Variants in DCDC2 observed in about 807,000 individuals in gnomAD.
DCDC2 encodes doublecortin domain-containing protein 2.
In DCDC2, 40 loss-of-function variants were observed where a neutral mutation model predicts 50.2. The ratio of observed to expected loss-of-function variants is 0.80; its 90% CI spans 0.62 to 1.04. The LOEUF is 1.04. DCDC2 is among the 50% of genes least tolerant of loss of function. DCDC2 has a pLI of 0.00. For synonymous variants in DCDC2, 234 were observed against 210.6 expected (o/e 1.11, Z -0.96); for missense variants, 570 against 581.9 (o/e 0.98, Z 0.21).
At position 24,236,081 on chromosome 6, in the gene DCDC2, G is replaced by GA. The variant is rs1207433001; in HGVS notation, c.923-30980dup. On this transcript the variant is annotated intron_variant, in intron 7 of 9. Transcript: ENST00000378454. Reference sequence around the variant, plus strand: ...CTGACATCATTTTTCATAGAATTAGGAAAAAAAAAATTCTAAAATTCATAT... The same window carrying GA: ...CTGACATCATTTTTCATAGAATTAGGAAAAAAAAAAATTCTAAAATTCATAT... Among the ~76,000 whole-genome samples, 912 of 149,410 alleles carry GA rather than the reference G, an allele frequency of 6.1e-3. 12 individuals are homozygous for GA. The highest frequency in any genetic ancestry group is 0.02 in the African/African-American group (836 of 40,804).
chr6:24,289,351 G>T (rs533350924), intron 5 of DCDC2, among the ~76,000 whole-genome samples: 2 of 152,334 alleles, frequency 1.3e-5, no homozygotes, highest in South Asian at 4.1e-4. Context: ...CATTCAGGTA[G>T]TTTTTAAACA....
chr6:24,297,076 T>C (rs1486746549), intron 4 of DCDC2, among the ~76,000 whole-genome samples: 1 of 152,158 alleles, frequency 6.6e-6, no homozygotes, highest in South Asian at 2.1e-4. Flanking sequence ...TGTCCATCAG[T>C]GGTAGACTGG....
At chr6:24,266,398 A>C (rs1307582242) in intron 7 of DCDC2, among the ~76,000 whole-genome samples, 1 of 152,178 alleles carries the variant, frequency 6.6e-6, no homozygotes, top group African/African-American at 2.4e-5. Flanking sequence ...GAATAGAAGA[A>C]AATATTTGCA....
At chr6:24,272,136 C>T (rs535159674) in intron 7 of DCDC2, among the ~76,000 whole-genome samples, 4 of 151,976 alleles carry the variant, frequency 2.6e-5, no homozygotes, top group South Asian at 4.1e-4. Context: ...TTGAGCCATA[C>T]GTCTTACTAG....
intron 8 of DCDC2, among the ~76,000 whole-genome samples, chr6:24,190,466 C>T (rs758909254): frequency 1.3e-5 from 2 of 152,084 alleles, no homozygotes; most frequent in Admixed American, 1.3e-4. Flanking sequence ...CAACATGGCA[C>T]ATGTATACGT....
At chr6:24,358,322 T>C (rs1760522426), upstream of DCDC2, 1 of 174,954 alleles carries the variant, frequency 5.7e-6, no homozygotes, top group East Asian at 1.8e-4. Flanking sequence ...GGAAGATAAA[T>C]GTGCAAAGCC....
At chr6:24,242,700 G>A (rs903413133) in intron 7 of DCDC2, among the ~76,000 whole-genome samples, 13 of 152,188 alleles carry the variant, frequency 8.5e-5, no homozygotes, top group African/African-American at 2.9e-4. Context: ...GGTGGCTCAC[G>A]CCTGTAATTC....
At chr6:24,264,054 A>C (rs1039986322) in intron 7 of DCDC2, among the ~76,000 whole-genome samples, 1 of 152,234 alleles carries the variant, frequency 6.6e-6, no homozygotes, top group Non-Finnish European at 1.5e-5. Context: ...TCTCATTGCC[A>C]ACCTGACAGA....
At chr6:24,348,992 A>C (rs1230844131) in intron 2 of DCDC2, among the ~76,000 whole-genome samples, 1 of 152,228 alleles carries the variant, frequency 6.6e-6, no homozygotes, top group African/African-American at 2.4e-5. Context: ...CTTACACAGT[A>C]AAACAGATTT....
rs560188439 is a variant in DCDC2 at position 24,257,447 on chromosome 6, TA to T, written c.922+20601del. ...AGGGCATGAAAACAACCTGTTCAAT[TA>T]CAACACCTGCTGTTGTAATACACCT... On this transcript the variant is annotated intron_variant, in intron 7 of 9. Coordinates refer to ENST00000378454, the MANE Select transcript of DCDC2 (RefSeq NM_016356.5). Among the ~76,000 whole-genome samples the T allele has an allele frequency of 3.4e-3, 522 of 152,220 alleles. 1 individual carries two copies. Among genetic ancestry groups the T allele is most frequent in the African/African-American group, 0.012 (501 of 41,540 alleles).
the DCDC2 span, among the ~76,000 whole-genome samples, chr6:24,369,565 G>A: frequency 1.3e-4 from 20 of 151,506 alleles, no homozygotes; most frequent in African/African-American, 4.6e-4. Context: ...AGCCGAGATC[G>A]CGCCGCTGCA....
In DCDC2 at chr6:24,173,638, A is replaced by C. The variant is rs1430385687; in HGVS notation, c.*1092T>G. The C allele has an allele frequency of 6.6e-6, 1 of 152,198 alleles. No homozygotes were observed. Among genetic ancestry groups the C allele is most frequent in the Non-Finnish European group, 1.5e-5 (1 of 68,028 alleles). The allele number at this position is 152,198 out of a possible 1,614,324, so 9.4% of individuals were successfully genotyped here. On this transcript the variant is annotated 3_prime_UTR_variant, in exon 10 of 10. Coordinates refer to ENST00000378454, the MANE Select transcript of DCDC2 (RefSeq NM_016356.5). ...TTGGTTTCATTATAATAACTTCTAA[A>C]GTTTTACAATTTCTATCAGATGCCT...
chr6:24,191,631 C>T (rs1228353053), intron 8 of DCDC2, among the ~76,000 whole-genome samples: 2 of 152,170 alleles, frequency 1.3e-5, no homozygotes, highest in African/African-American at 4.8e-5. Flanking sequence ...AATCTGCCCA[C>T]AGGCTACCAT....
At position 24,290,496 on chromosome 6, in the gene DCDC2, T is replaced by A. The variant is rs950695695; in HGVS notation, c.704+436A>T. Among the ~76,000 whole-genome samples, 20 of 152,318 alleles carry A rather than the reference T, an allele frequency of 1.3e-4. No homozygotes were observed. The South Asian group carries it at 2.7e-3, about 20-fold the overall frequency. On this transcript the variant is annotated intron_variant, in intron 5 of 9. Coordinates refer to ENST00000378454, the MANE Select transcript of DCDC2 (RefSeq NM_016356.5). ...ATTATGTTGTTTTTATATTTTACAG[T>A]TATTATTAAAACAAGTATAAAATAT...
chr6:24,179,001 T>G (rs1341411679), intron 8 of DCDC2, among the ~76,000 whole-genome samples: 1 of 152,068 alleles, frequency 6.6e-6, no homozygotes, highest in East Asian at 1.9e-4. Context: ...CGCAAGGTCC[T>G]TGGCCACTGT....
chr6:24,317,892 A>G (rs938624259), intron 2 of DCDC2, among the ~76,000 whole-genome samples: 2 of 152,022 alleles, frequency 1.3e-5, no homozygotes, highest in African/African-American at 2.4e-5. Context: ...ATCTTTACAC[A>G]TATAAAAAAT....
chr6:24,235,955 G>A (rs940917671), intron 7 of DCDC2, among the ~76,000 whole-genome samples: 1 of 152,106 alleles, frequency 6.6e-6, no homozygotes, highest in African/African-American at 2.4e-5. Flanking sequence ...AATCATAGAT[G>A]ACACAAATGG....
At chr6:24,282,975 AT>A (rs543357114) in intron 6 of DCDC2, among the ~76,000 whole-genome samples, 24 of 151,684 alleles carry the variant, frequency 1.6e-4, no homozygotes, top group Admixed American at 1.4e-3. Flanking sequence ...TAATAACGAA[AT>A]TTTTTTGTCA....
At chr6:24,377,009 C>T in the DCDC2 span, among the ~76,000 whole-genome samples, 1 of 152,088 alleles carries the variant, frequency 6.6e-6, no homozygotes, top group African/African-American at 2.4e-5. Flanking sequence ...AGAGATTCAC[C>T]AATGCCCCAG....
Sources: gnomAD v4.1 joint callset for allele counts (sites outside exome capture counted in the v4.1 genomes callset) on GRCh38, gnomAD v4.1.1 for gene constraint, MANE v1.5 for transcripts, NCBI Gene and HGNC (gene_info 2026-07-23, HGNC 2026-07-21) for gene names.